TJP1: variants seen among roughly 807,000 people sequenced by gnomAD.
TJP1 encodes the protein tight junction protein 1.
TJP1 carries 43 observed loss-of-function variants against 194.2 expected under a neutral mutation model. That is an observed-to-expected ratio of 0.22 (90% CI 0.17 to 0.29). The LOEUF is 0.29. Ranked by LOEUF, TJP1 falls within the 10% of genes least tolerant of loss-of-function variation. The pLI, the probability that TJP1 is intolerant of heterozygous loss-of-function variation, is 1.00. For missense variants in TJP1, 1,971 were observed against 2,185.7 expected (o/e 0.90, Z 1.96); for synonymous variants, 801 against 779.0 (o/e 1.03, Z -0.47).
chr15:29,779,757 G>A (rs1187588403), intron 2 of TJP1, among the ~76,000 whole-genome samples: 1 of 152,088 alleles, frequency 6.6e-6, no homozygotes, highest in Non-Finnish European at 1.5e-5. Flanking sequence ...AATGAGAGTA[G>A]GCATGAATGA....
chr15:29,906,193 C>T (rs1677235317), intron 2 of TJP1, among the ~76,000 whole-genome samples: 1 of 152,088 alleles, frequency 6.6e-6, no homozygotes, highest in African/African-American at 2.4e-5. Flanking sequence ...TAAAGTTAGG[C>T]CGGGCGCGGT....
chr15:29,733,579 T>A (rs1274985811), intron 12 of TJP1, among the ~76,000 whole-genome samples: 1 of 152,248 alleles, frequency 6.6e-6, no homozygotes, highest in Admixed American at 6.5e-5. Context: ...TTATATCATC[T>A]AACTTATCTG....
At chr15:29,817,126 G>A (rs1031584893) in intron 1 of TJP1, among the ~76,000 whole-genome samples, 2 of 151,978 alleles carry the variant, frequency 1.3e-5, no homozygotes, top group South Asian at 2.1e-4. Context: ...ACAAATATCC[G>A]TATCAAAAAC....
At chr15:29,933,777 A>T (rs1159709674) in intron 2 of TJP1, among the ~76,000 whole-genome samples, 1 of 152,202 alleles carries the variant, frequency 6.6e-6, no homozygotes, top group Non-Finnish European at 1.5e-5. Flanking sequence ...AGAGAGAAGT[A>T]AACAAAAACA....
chr15:29,859,872 G>A (rs934479143), intron 2 of TJP1, among the ~76,000 whole-genome samples: 17 of 152,130 alleles, frequency 1.1e-4, no homozygotes, highest in Non-Finnish European at 1.8e-4. Context: ...ATGATTTTCA[G>A]ATATTTTAGG....
At chr15:29,748,008 CT>C (rs1317038599) in intron 8 of TJP1, among the ~76,000 whole-genome samples, 1 of 152,106 alleles carries the variant, frequency 6.6e-6, no homozygotes, top group Non-Finnish European at 1.5e-5. Flanking sequence ...GAAATATTAG[CT>C]TTTGTTAGTG....
chr15:29,701,769 C>A, intron 27 of TJP1, 80 bp from the exon 28 acceptor site: 1 of 989,766 alleles, frequency 1.0e-6, no homozygotes, highest in Non-Finnish European at 1.6e-6. Context: ...AGGGCAAATA[C>A]GTATATTTAG....
Position 29,766,381 on chromosome 15 carries a change from A to G in TJP1, c.474T>C (p.Asp158=). The stretch of plus-strand genomic sequence containing the variant: ...AGCTCCTCTCTCTACTTGCACTTCT[A>G]TCCCTCGGCCAAATCTTCTCACTCC... ...NRRSEKIWPR[D]RSASRERSLS... Residue 158 remains aspartate (D), a synonymous_variant, in exon 5 of 28, where the codon GAT becomes GAC. Coordinates refer to ENST00000614355, the MANE Select transcript of TJP1 (RefSeq NM_001330239.4). 1 of 1,614,128 alleles carries G rather than the reference A, an allele frequency of 6.2e-7. No individual in the cohort carries two copies.
intron 2 of TJP1, among the ~76,000 whole-genome samples, chr15:29,779,917 T>C (rs1286130944): frequency 2.0e-5 from 3 of 151,512 alleles, no homozygotes; most frequent in Non-Finnish European, 4.4e-5. Context: ...GAGACTTCCT[T>C]AGCATGTGAA....
At chr15:29,739,891 T>C (rs1023232020) in intron 10 of TJP1, among the ~76,000 whole-genome samples, 7 of 152,216 alleles carry the variant, frequency 4.6e-5, no homozygotes, top group African/African-American at 9.6e-5. Context: ...AATATTAAAA[T>C]TGTACAGTTT....
chr15:29,816,384 C>T (rs2049924790), intron 1 of TJP1, among the ~76,000 whole-genome samples: 1 of 152,048 alleles, frequency 6.6e-6, no homozygotes, highest in Non-Finnish European at 1.5e-5. Flanking sequence ...GGGGGAAGAA[C>T]ACCACAATTT....
intron 6 of TJP1, 129 bp from the exon 7 acceptor site, chr15:29,761,898 C>T: frequency 1.2e-6 from 1 of 859,298 alleles, no homozygotes; most frequent in Non-Finnish European, 1.7e-6. Context: ...CTACACTTTT[C>T]CAAACTGTCA....
chr15:29,931,864 C>G (rs1002374804), intron 2 of TJP1, among the ~76,000 whole-genome samples: 1 of 152,206 alleles, frequency 6.6e-6, no homozygotes, highest in East Asian at 1.9e-4. Context: ...ATGGTTACTT[C>G]TTGAATATAT....
chr15:29,932,299 C>G (rs1049165796), intron 2 of TJP1, among the ~76,000 whole-genome samples: 1 of 151,874 alleles, frequency 6.6e-6, no homozygotes, highest in African/African-American at 2.4e-5. Flanking sequence ...GTAAACAGAC[C>G]AAGGGAAAAT....
At chr15:29,814,347 A>G (rs1008479966) in intron 1 of TJP1, among the ~76,000 whole-genome samples, 1 of 152,228 alleles carries the variant, frequency 6.6e-6, no homozygotes, top group Non-Finnish European at 1.5e-5. Context: ...TACAGCGTAT[A>G]GCAGTTGAAA....
chr15:29,717,304 T>C (rs147418911), intron 22 of TJP1, among the ~76,000 whole-genome samples: 8 of 152,352 alleles, frequency 5.3e-5, no homozygotes, highest in African/African-American at 1.9e-4. Context: ...CTAGAAGGCA[T>C]ACAAAGCAGA....
chr15:29,903,377 AAAATTAAAGCCC>A (rs1462868196), intron 2 of TJP1, among the ~76,000 whole-genome samples: 1 of 152,168 alleles, frequency 6.6e-6, no homozygotes, highest in Non-Finnish European at 1.5e-5. Context: ...ACAGTGGGTA[AAAATTAAAGCCC>A]AATGCACTGA....
At position 29,705,704 on chromosome 15, in the gene TJP1, G is replaced by A; in HGVS notation, c.4892C>T (p.Thr1631Ile). ...TATGCCTCGGGCTGTGGCCACCACA[G>A]TATGACCATCTTCATCTTCATCCTC... is the stretch of plus-strand genomic sequence containing the variant. The part of the protein sequence containing the change: ...VEEDEDEDGH[T>I]VVATARGIFN... The change falls in exon 26 of 28, where the codon ACT becomes ATT. Residue 1631 changes from threonine to isoleucine, a missense_variant. This residue lies in a region of TJP1 where 1,108 missense variants were observed against 1,128.5 expected (regional missense o/e 0.98). Transcript: ENST00000614355. 1.2e-6 allele frequency: 2 copies of A among 1,614,198 alleles called. No homozygotes were observed. The highest frequency in any genetic ancestry group is 1.7e-6 in the Non-Finnish European group (2 of 1,180,034).
At chr15:29,731,166 GAA>G (rs2043631462) in intron 15 of TJP1, among the ~76,000 whole-genome samples, 1 of 148,682 alleles carries the variant, frequency 6.7e-6, no homozygotes, top group Non-Finnish European at 1.5e-5. Context: ...GTCACTAATA[GAA>G]TGTCTCCAAA....
Sources: allele counts gnomAD v4.1 joint callset (sites outside exome capture counted in the v4.1 genomes callset), GRCh38; gene constraint gnomAD v4.1.1; regional missense constraint gnomAD v4.1.1; transcripts MANE v1.5; gene names NCBI Gene and HGNC (gene_info 2026-07-23, HGNC 2026-07-21).